The following CDH7 variants were observed in gnomAD, a reference collection of about 807,000 sequenced individuals.
CDH7 encodes cadherin 7.
In CDH7, 25 loss-of-function variants were observed where a neutral mutation model predicts 71.8. The ratio of observed to expected loss-of-function variants is 0.35; its 90% CI spans 0.25 to 0.49. The LOEUF is 0.49. CDH7 is among the 20% of genes least tolerant of loss of function. CDH7 has a pLI of 0.99. For missense variants in CDH7, 862 were observed against 974.6 expected, an observed-to-expected ratio of 0.88 and a Z score of 1.54; for synonymous variants, 381 against 363.8, an observed-to-expected ratio of 1.05 and a Z score of -0.54.
At chr18:65,762,594 A>G (rs1386499234) in intron 1 of CDH7, 53 bp from the exon 2 acceptor site, 3 of 319,562 alleles carry the variant, frequency 9.4e-6, no homozygotes, top group East Asian at 4.9e-5. Context: ...TGAATGCTAA[A>G]TATTATTATG....
chr18:65,855,519 CA>C (rs1913322948), intron 7 of CDH7, among the ~76,000 whole-genome samples: 1 of 87,622 alleles, frequency 1.1e-5, no homozygotes, highest in South Asian at 4.1e-4. Flanking sequence ...ATCAATTTTT[CA>C]AAAAGTGTAA....
At chr18:65,864,377 T>C (rs1163105982) in intron 11 of CDH7, among the ~76,000 whole-genome samples, 1 of 151,800 alleles carries the variant, frequency 6.6e-6, no homozygotes, top group Non-Finnish European at 1.5e-5. Context: ...GTTTTGCGGT[T>C]TTTTGTTTGT....
At chr18:65,869,249 G>T in intron 11 of CDH7, among the ~76,000 whole-genome samples, 1 of 150,680 alleles carries the variant, frequency 6.6e-6, no homozygotes, top group African/African-American at 2.5e-5. Flanking sequence ...CCTGAATTGT[G>T]GCAACTCTAC....
At position 65,874,629 on chromosome 18, in the gene CDH7, C is replaced by T. The variant is rs180877056; in HGVS notation, c.1865-5772C>T. 4.9e-4 allele frequency among the ~76,000 whole-genome samples: 74 copies of T among 151,740 alleles called. 1 individual carries two copies. Among genetic ancestry groups the T allele is most frequent in the African/African-American group, 1.7e-3 (70 of 41,354 alleles). Reference sequence around the variant, plus strand: ...CCAGACTTCACCACTGCAAGATAAACGCATGTAAAAAAATCTGCACTTCTA... The same window carrying T: ...CCAGACTTCACCACTGCAAGATAAATGCATGTAAAAAAATCTGCACTTCTA... On this transcript the variant is annotated intron_variant, in intron 11 of 11. Coordinates refer to ENST00000397968, the MANE Select transcript of CDH7 (RefSeq NM_004361.5).
intron 2 of CDH7, among the ~76,000 whole-genome samples, chr18:65,801,335 A>G (rs554540763): frequency 1.3e-5 from 2 of 152,328 alleles, no homozygotes; most frequent in South Asian, 4.1e-4. Flanking sequence ...TAGTCCACAT[A>G]ATAGCTACTG....
At chr18:65,793,383 T>C (rs1456778709) in intron 2 of CDH7, among the ~76,000 whole-genome samples, 1 of 147,986 alleles carries the variant, frequency 6.8e-6, no homozygotes, top group Non-Finnish European at 1.5e-5. Context: ...GTAGTGCCAC[T>C]GTACTCCAGC....
chr18:65,836,428 A>C (rs891968776), intron 6 of CDH7, among the ~76,000 whole-genome samples: 3 of 152,114 alleles, frequency 2.0e-5, no homozygotes, highest in African/African-American at 7.2e-5. Flanking sequence ...TTTGATGATA[A>C]TATTCCTCAA....
intron 4 of CDH7, among the ~76,000 whole-genome samples, chr18:65,815,959 T>G (rs974416388): frequency 6.6e-6 from 1 of 152,146 alleles, no homozygotes; most frequent in Non-Finnish European, 1.5e-5. Context: ...AAAAATAGCA[T>G]GTATTAAGTC....
intron 11 of CDH7, chr18:65,866,125 C>A (rs1599062502): frequency 4.2e-5 from 1 of 23,814 alleles, no homozygotes; most frequent in Admixed American, 6.4e-4. Context: ...CGGTGAAACC[C>A]CGTCTCTACT....
intron 6 of CDH7, among the ~76,000 whole-genome samples, chr18:65,826,222 G>A (rs1469777232): frequency 2.0e-5 from 3 of 147,572 alleles, no homozygotes; most frequent in Non-Finnish European, 4.5e-5. Context: ...AAAATTGCAA[G>A]GAGAAATTTG....
At chr18:65,822,554 C>A (rs1377397706) in intron 5 of CDH7, among the ~76,000 whole-genome samples, 1 of 55,026 alleles carries the variant, frequency 1.8e-5, no homozygotes, top group African/African-American at 3.6e-5. Context: ...AGTCTTTTTT[C>A]TAAGAATTAC....
At chr18:65,824,568 C>A in intron 5 of CDH7, 76 bp from the exon 6 acceptor site, 1 of 968,082 alleles carries the variant, frequency 1.0e-6, no homozygotes, top group Non-Finnish European at 1.5e-6. Context: ...TACAATGATG[C>A]CAAAATAACC....
intron 11 of CDH7, among the ~76,000 whole-genome samples, chr18:65,878,541 G>A (rs1914133311): frequency 1.3e-5 from 2 of 152,112 alleles, no homozygotes; most frequent in Admixed American, 1.3e-4. Flanking sequence ...CTAATTCTCA[G>A]TAGACAAGAA....
At chr18:65,859,511 T>C (rs2144031639) in intron 9 of CDH7, among the ~76,000 whole-genome samples, 197 bp from the exon 10 acceptor site, 1 of 152,332 alleles carries the variant, frequency 6.6e-6, no homozygotes, top group Admixed American at 6.5e-5. Flanking sequence ...AATTCAAACA[T>C]GAACTAAGAA....
At chr18:65,868,547 G>C (rs1913834600) in intron 11 of CDH7, among the ~76,000 whole-genome samples, 1 of 152,128 alleles carries the variant, frequency 6.6e-6, no homozygotes, top group Admixed American at 6.6e-5. Flanking sequence ...TTACAGCCTG[G>C]GCACTGCCAA....
In CDH7 at chr18:65,880,601, G is replaced by A. The variant is rs747405774; in HGVS notation, c.2065G>A (p.Glu689Lys). Residue 689 changes from glutamate (E) to lysine (K), a missense_variant, in exon 12 of 12, where the codon GAA becomes AAA. Glu to Lys is a moderately conservative substitution (Grantham distance 56, BLOSUM62 1). Transcript: ENST00000397968. ...DTKTRRDVTPEIQFLSRPAFK... is the reference protein window; with the variant it reads ...DTKTRRDVTPKIQFLSRPAFK... Reference sequence around the variant, plus strand: ...CAAGACCCGGAGGGATGTGACTCCAGAAATTCAATTCCTGAGTCGACCAGC... The same window carrying A: ...CAAGACCCGGAGGGATGTGACTCCAAAAATTCAATTCCTGAGTCGACCAGC... The A allele has an allele frequency of 1.2e-6, 2 of 1,613,762 alleles. No individual in the cohort carries two copies. The highest frequency in any genetic ancestry group is 2.7e-5 in the African/African-American group (2 of 74,840).
At position 65,781,870 on chromosome 18, in the gene CDH7, C is replaced by CTTTCTCTCTT. The variant is rs1436086541; in HGVS notation, c.210+18819_210+18820insTTCTCTCTTT. On this transcript the variant is annotated intron_variant, in intron 2 of 11. Transcript: ENST00000397968. ...TCTTTCTTTCTTTCTTTCTTTCTCT[C>CTTTCTCTCTT]TCTCTCTCTGTCTCTCTCTCTCTTT... Among the ~76,000 whole-genome samples the CTTTCTCTCTT allele has an allele frequency of 7.1e-5, 8 of 113,264 alleles. 2 individuals are homozygous for CTTTCTCTCTT. Among genetic ancestry groups the CTTTCTCTCTT allele is most frequent in the African/African-American group, 3.3e-4 (8 of 24,562 alleles). The allele number at this position is 113,264 out of a possible 152,430, so 74.3% of individuals were successfully genotyped here. A position where few individuals can be genotyped will look rare whatever the true frequency, so the allele number is the denominator to read the frequency against.
rs757657384 is a variant in CDH7 at position 65,809,971 on chromosome 18, G to A, written c.478G>A (p.Ala160Thr). 5.0e-6 allele frequency: 8 copies of A among 1,611,534 alleles called. No homozygotes were observed. The Admixed American group carries it at 1.0e-4, about 20-fold the overall frequency. Residue 160 changes from alanine to threonine, a missense_variant, in exon 3 of 12, where the codon GCA (alanine) becomes ACA (threonine). Transcript: ENST00000397968. ...CAAATTTTTGGATGGCCCATACACG[G>A]CAGGAGTTCCCGAAATGTCTCCCGT... ...EPKFLDGPYT[A>T]GVPEMSPVGT...
At chr18:65,822,597 G>T (rs1439873629) in intron 5 of CDH7, among the ~76,000 whole-genome samples, 2 of 151,756 alleles carry the variant, frequency 1.3e-5, no homozygotes, top group Admixed American at 1.3e-4. Context: ...TAAAGTTGTT[G>T]CCAATTAATA....
Sources: gnomAD v4.1 joint callset for allele counts (sites outside exome capture counted in the v4.1 genomes callset) on GRCh38, gnomAD v4.1.1 for gene constraint, MANE v1.5 for transcripts, NCBI Gene and HGNC (gene_info 2026-07-23, HGNC 2026-07-21) for gene names.